The following SDK1 variants were observed in gnomAD, a reference collection of about 807,000 sequenced individuals.
SDK1 encodes the protein protein sidekick-1.
SDK1 carries 157 observed loss-of-function variants against 245.5 expected under a neutral mutation model. That is an observed-to-expected ratio of 0.64 (90% CI 0.56 to 0.73). The LOEUF (loss-of-function observed/expected upper bound fraction) is 0.73, where lower values mean the gene tolerates loss of function less well. Among genes scored for constraint, SDK1 ranks in the 30% least tolerant of loss-of-function variants. The pLI, the probability that SDK1 is intolerant of heterozygous loss-of-function variation, is 0.00. For synonymous variants in SDK1, 1,647 were observed against 1,278.5 expected, an observed-to-expected ratio of 1.29 and a Z score of -6.15; for missense variants, 3,583 against 3,002.3, an observed-to-expected ratio of 1.19 and a Z score of -4.52.
At chr7:3,763,251 A>T (rs1351506784) in intron 4 of SDK1, among the ~76,000 whole-genome samples, 1 of 152,176 alleles carries the variant, frequency 6.6e-6, no homozygotes, top group East Asian at 1.9e-4. Flanking sequence ...TTGATTGTTT[A>T]ATATTTCAGT....
chr7:3,616,370 G>T (rs1781772040), intron 1 of SDK1, among the ~76,000 whole-genome samples: 1 of 152,220 alleles, frequency 6.6e-6, no homozygotes, highest in South Asian at 2.1e-4. Context: ...GGCCCTGCCT[G>T]CAAGGCCCTG....
intron 2 of SDK1, among the ~76,000 whole-genome samples, chr7:3,628,450 A>T (rs1707794317): frequency 6.6e-6 from 1 of 152,144 alleles, no homozygotes; most frequent in African/African-American, 2.4e-5. Flanking sequence ...ACATCAGTGT[A>T]TGTAGTTCCC....
chr7:3,334,034 A>T (rs1780136554), intron 1 of SDK1, among the ~76,000 whole-genome samples: 1 of 152,196 alleles, frequency 6.6e-6, no homozygotes, highest in Non-Finnish European at 1.5e-5. Flanking sequence ...CTCCCCACTT[A>T]GTTCAGTTTC....
chr7:4,067,862 G>T lies in SDK1; in HGVS notation c.2936G>T (p.Ser979Ile). The stretch of plus-strand genomic sequence containing the variant: ...GAACCAGGAGCTGTGGGACATCTGA[G>T]TTTCACAGAGATCTTGGACACATCT... ...EDKPGAVGHL[S>I]FTEILDTSLK... The change falls in exon 20 of 45, where the codon AGT becomes ATT. Residue 979 changes from serine to isoleucine, a missense_variant. Transcript: ENST00000404826. 1 of 1,613,192 alleles carries T rather than the reference G, an allele frequency of 6.2e-7. No homozygotes were observed. Among genetic ancestry groups the T allele is most frequent in the Non-Finnish European group, 8.5e-7 (1 of 1,179,716 alleles).
chr7:3,360,621 A>G (rs1023658029), intron 1 of SDK1, among the ~76,000 whole-genome samples: 4 of 152,204 alleles, frequency 2.6e-5, no homozygotes, highest in African/African-American at 9.7e-5. Flanking sequence ...TTTCTTAGGA[A>G]TATATGACAA....
chr7:3,578,226 C>T (rs1294297153), intron 1 of SDK1, among the ~76,000 whole-genome samples: 3 of 151,962 alleles, frequency 2.0e-5, no homozygotes, highest in Non-Finnish European at 4.4e-5. Flanking sequence ...TGATGCCCAC[C>T]TGAGCCGCAA....
intron 14 of SDK1, among the ~76,000 whole-genome samples, chr7:4,001,014 G>A (rs1785036030): frequency 1.3e-5 from 2 of 152,160 alleles, no homozygotes; most frequent in Admixed American, 6.5e-5. Flanking sequence ...GACGAGATGG[G>A]GGTCAGAGAG....
At chr7:3,653,406 A>G (rs1452130780) in intron 4 of SDK1, among the ~76,000 whole-genome samples, 1 of 152,160 alleles carries the variant, frequency 6.6e-6, no homozygotes, top group East Asian at 1.9e-4. Context: ...GACAAGGTTT[A>G]GGGAGAGACC....
intron 1 of SDK1, among the ~76,000 whole-genome samples, chr7:3,457,959 T>C (rs762535805): frequency 6.6e-6 from 1 of 152,250 alleles, no homozygotes. Context: ...CTCACACTTG[T>C]CTAGGTAAAA....
intron 19 of SDK1, among the ~76,000 whole-genome samples, chr7:4,052,341 G>C (rs1394005766): frequency 6.6e-6 from 1 of 152,048 alleles, no homozygotes; most frequent in African/African-American, 2.4e-5. Context: ...GTTAGCTAAT[G>C]AAGTTACCCC....
Position 4,017,274 on chromosome 7 carries a change from G to T in SDK1, c.2524G>T (p.Glu842Ter). The T allele has an allele frequency of 1.9e-6, 3 of 1,614,114 alleles. No individual in the cohort carries two copies. Among genetic ancestry groups the T allele is most frequent in the Non-Finnish European group, 2.5e-6 (3 of 1,179,982 alleles). Residue 842 changes from glutamate (E) to a stop codon, truncating the protein, a stop_gained, in exon 17 of 45, where the codon GAG becomes TAG. Transcript: ENST00000404826. LOFTEE classifies it high-confidence loss of function. ...AGACCTGATCATCTGGACACAGTAT[G>T]AGATACAGGTGGCGGCGTACAACGG... The part of the protein sequence containing the change: ...VTDLIIWTQY[E>*]IQVAAYNGAG...
intron 13 of SDK1, among the ~76,000 whole-genome samples, chr7:3,981,148 TCA>T (rs899440769): frequency 6.6e-6 from 1 of 152,172 alleles, no homozygotes; most frequent in African/African-American, 2.4e-5. Context: ...TTGGGAATTC[TCA>T]CAATGTTTCA....
chr7:4,091,371 C>G (rs1278225874), intron 22 of SDK1, among the ~76,000 whole-genome samples: 1 of 85,410 alleles, frequency 1.2e-5, no homozygotes, highest in Non-Finnish European at 2.1e-5. Flanking sequence ...GAGACAGAGT[C>G]TCACTCTGTC....
At chr7:3,624,478 T>G (rs1782050332) in intron 2 of SDK1, among the ~76,000 whole-genome samples, 1 of 151,966 alleles carries the variant, frequency 6.6e-6, no homozygotes, top group South Asian at 2.1e-4. Context: ...GGATTACAGG[T>G]GTAAGCCACC....
At chr7:3,633,335 C>A (rs539902030) in intron 2 of SDK1, among the ~76,000 whole-genome samples, 2 of 152,202 alleles carry the variant, frequency 1.3e-5, no homozygotes, top group Admixed American at 1.3e-4. Flanking sequence ...TCCCTGACCA[C>A]CTAGGGGAAG....
intron 1 of SDK1, among the ~76,000 whole-genome samples, chr7:3,405,321 C>T (rs1779021253): frequency 6.6e-6 from 1 of 152,032 alleles, no homozygotes; most frequent in African/African-American, 2.4e-5. Flanking sequence ...AAAACTTAGA[C>T]CCAATGTGTC....
At chr7:3,755,523 T>G in intron 4 of SDK1, among the ~76,000 whole-genome samples, 1 of 152,214 alleles carries the variant, frequency 6.6e-6, no homozygotes, top group Non-Finnish European at 1.5e-5. Context: ...ATGAAGGATA[T>G]TTGGACAGAA....
At chr7:3,610,038 G>C (rs149913162) in intron 1 of SDK1, among the ~76,000 whole-genome samples, 126 of 152,262 alleles carry the variant, frequency 8.3e-4, no homozygotes, top group Non-Finnish European at 1.4e-3. Context: ...CAAAGTACTT[G>C]CTCTAAACTC....
intron 1 of SDK1, among the ~76,000 whole-genome samples, chr7:3,305,794 T>C (rs1779403725): frequency 6.8e-6 from 1 of 147,508 alleles, no homozygotes; most frequent in Non-Finnish European, 1.5e-5. Flanking sequence ...TATTACCCTC[T>C]ATGCAGTCTG....
Sources: allele counts gnomAD v4.1 joint callset (sites outside exome capture counted in the v4.1 genomes callset), GRCh38; gene constraint gnomAD v4.1.1; transcripts MANE v1.5; gene names NCBI Gene and HGNC (gene_info 2026-07-23, HGNC 2026-07-21).